The following MYH10 variants were observed in gnomAD, a reference collection of about 807,000 sequenced individuals.
MYH10 encodes the protein myosin-10.
A neutral mutation model predicts 257.8 loss-of-function variants in MYH10; 55 were observed. The ratio of observed to expected loss-of-function variants is 0.21; its 90% CI spans 0.17 to 0.27. The LOEUF (loss-of-function observed/expected upper bound fraction) is 0.27, where lower values mean the gene tolerates loss of function less well. Among genes scored for constraint, MYH10 ranks in the 10% least tolerant of loss-of-function variants. The pLI is 1.00. For synonymous variants in MYH10, 854 were observed against 921.7 expected (o/e 0.93, Z 1.33); for missense variants, 1,631 against 2,500.6 (o/e 0.65, Z 7.42).
At position 8,478,580 on chromosome 17, in the gene MYH10, C is replaced by G; in HGVS notation, c.5598-134G>C. On this transcript the variant is annotated intron_variant, in intron 40 of 42. Coordinates refer to ENST00000360416, the MANE Select transcript of MYH10 (RefSeq NM_001256012.3). ...ATTATGGACCTCTCTGTCCAGAATT[C>G]ATGACTAATGTGCTGAAACCTTTCC... 7 of 754,180 alleles carry G rather than the reference C, an allele frequency of 9.3e-6. No individual in the cohort carries two copies. In the South Asian group the frequency reaches 1.2e-4, roughly 13 times the overall value. The allele number at this position is 754,180 out of a possible 1,614,324, so 46.7% of individuals were successfully genotyped here.
At chr17:8,529,094 AC>A (rs2081943423) in intron 17 of MYH10, among the ~76,000 whole-genome samples, 1 of 152,228 alleles carries the variant, frequency 6.6e-6, no homozygotes, top group Admixed American at 6.5e-5. Flanking sequence ...TGCTGCTGGT[AC>A]AGCAAAATGC....
At chr17:8,576,603 C>T in intron 6 of MYH10, 40 bp downstream of exon 6, 1 of 1,538,782 alleles carries the variant, frequency 6.5e-7, no homozygotes, top group Non-Finnish European at 8.8e-7. Context: ...GAAATTAGTG[C>T]AAACACTCAA....
chr17:8,577,108 C>T (rs1382658740), intron 5 of MYH10, 128 bp downstream of exon 5: 7 of 619,868 alleles, frequency 1.1e-5, no homozygotes, highest in Admixed American at 5.8e-5. Flanking sequence ...GGGTAGGTGG[C>T]GGGGAGCAGG....
intron 31 of MYH10, among the ~76,000 whole-genome samples, chr17:8,494,150 C>G (rs553588164): frequency 6.6e-6 from 1 of 152,160 alleles, no homozygotes; most frequent in Non-Finnish European, 1.5e-5. Context: ...CAGGCATCCC[C>G]GAGGCCTCCC....
Position 8,476,859 on chromosome 17 carries a change from G to T in MYH10, c.5879+17C>A, listed in dbSNP as rs1912733400. On this transcript the variant is annotated intron_variant, in intron 42 of 42. Transcript: ENST00000360416. ...CAAAGCAGCTGCCTGTCAGCTCGGGGCCGCATGCCTGCTCACCTCAGCCGG... is the reference window on the plus strand; with the variant it reads ...CAAAGCAGCTGCCTGTCAGCTCGGGTCCGCATGCCTGCTCACCTCAGCCGG... 3 of 1,596,366 alleles carry T rather than the reference G, an allele frequency of 1.9e-6. No homozygotes were observed. The highest frequency in any genetic ancestry group is 2.6e-6 in the Non-Finnish European group (3 of 1,173,000).
chr17:8,534,930 A>G (rs1375084792), intron 16 of MYH10, among the ~76,000 whole-genome samples: 1 of 152,258 alleles, frequency 6.6e-6, no homozygotes, highest in Non-Finnish European at 1.5e-5. Flanking sequence ...AAGAAGAGCA[A>G]TTGATCTGTA....
In MYH10 at chr17:8,511,777, A is replaced by G. The variant is rs555070435; in HGVS notation, c.2952+674T>C. On this transcript the variant is annotated intron_variant, in intron 24 of 42. Transcript: ENST00000360416. Reference sequence around the variant, plus strand: ...ATCACCTTGACCTTAACAAGCATCAACTCATGGTCAATTCCATTTCATGTG... The same window carrying G: ...ATCACCTTGACCTTAACAAGCATCAGCTCATGGTCAATTCCATTTCATGTG... 9.2e-5 allele frequency among the ~76,000 whole-genome samples: 14 copies of G among 152,214 alleles called. No individual in the cohort carries two copies. In the South Asian group the frequency reaches 1.2e-3, roughly 14 times the overall value.
intron 4 of MYH10, among the ~76,000 whole-genome samples, chr17:8,587,149 CACCA>C (rs1567944179): frequency 6.6e-6 from 1 of 152,166 alleles, no homozygotes; most frequent in African/African-American, 2.4e-5. Context: ...AAGGCACCCC[CACCA>C]ACAGTCAGCC....
Position 8,545,813 on chromosome 17 carries a change from G to A in MYH10, c.1279-213C>T, listed in dbSNP as rs964854967. On this transcript the variant is annotated intron_variant, in intron 12 of 42. Coordinates refer to ENST00000360416, the MANE Select transcript of MYH10 (RefSeq NM_001256012.3). This position sits in a 1 kb window ranked among gnomAD's most constrained non-coding sequence, Gnocchi z 4.7. ...ACGAATTTGGGGGATGGGTAAAGAC[G>A]CCTAATAAAAATAAGCTCCTCCCCA... Among the ~76,000 whole-genome samples the A allele has an allele frequency of 1.3e-5, 2 of 152,096 alleles. No individual in the cohort carries two copies. Among genetic ancestry groups the A allele is most frequent in the Admixed American group, 1.3e-4 (2 of 15,278 alleles).
At chr17:8,561,526 C>T (rs957813058) in intron 7 of MYH10, 19 of 1,427,706 alleles carry the variant, frequency 1.3e-5, no homozygotes, top group African/African-American at 9.7e-5. Context: ...ACCCCCACCC[C>T]GATTTAGACC....
Position 8,535,701 on chromosome 17 carries a change from T to C in MYH10, c.1779+57A>G, listed in dbSNP as rs2082122618. 1.3e-6 allele frequency: 2 copies of C among 1,537,262 alleles called. No homozygotes were observed. Among genetic ancestry groups the C allele is most frequent in the Non-Finnish European group, 1.8e-6 (2 of 1,123,726 alleles). On this transcript the variant is annotated intron_variant, in intron 15 of 42. Coordinates refer to ENST00000360416, the MANE Select transcript of MYH10 (RefSeq NM_001256012.3). This position sits in a 1 kb window ranked among gnomAD's most constrained non-coding sequence, Gnocchi z 4.3. Reference sequence around the variant, plus strand: ...CCTTTGTTACACCTTCATAAAAATGTAGCAAAATTTCAAACACAGCCATTT... The same window carrying C: ...CCTTTGTTACACCTTCATAAAAATGCAGCAAAATTTCAAACACAGCCATTT...
At chr17:8,492,750 G>A in intron 33 of MYH10, 26 bp downstream of exon 33, 1 of 1,609,110 alleles carries the variant, frequency 6.2e-7, no homozygotes, top group Non-Finnish European at 8.5e-7. Context: ...GCTCTGCCAG[G>A]AGGAAACGAC....
At position 8,535,404 on chromosome 17, in the gene MYH10, G is replaced by A. The variant is rs2082115122; in HGVS notation, c.1877C>T (p.Ala626Val). 1 of 1,613,430 alleles carries A rather than the reference G, an allele frequency of 6.2e-7. No homozygotes were observed. Among genetic ancestry groups the A allele is most frequent in the Admixed American group, 1.7e-5 (1 of 59,906 alleles). Residue 626 changes from alanine (A) to valine (V), a missense_variant, in exon 16 of 43, where the codon GCA (alanine) becomes GTA (valine). Ala to Val is a moderately conservative substitution (Grantham distance 64). Transcript: ENST00000360416. The surrounding 1 kb of genome is among the most constrained non-coding windows in gnomAD (Gnocchi z 4.3). The part of the protein sequence containing the change: ...LLHQSSDRFV[A>V]ELWKDEIQNI... ...TTTCTTACCATCTTTCCAAAGCTCT[G>A]CCACAAATCTGTCTGATGACTGGTG...
intron 3 of MYH10, among the ~76,000 whole-genome samples, chr17:8,596,937 G>A (rs1008979079): frequency 2.0e-5 from 3 of 152,228 alleles, no homozygotes; most frequent in Non-Finnish European, 2.9e-5. Flanking sequence ...TCTAGATTAC[G>A]TAAGGGCAAA....
chr17:8,591,087 T>G (rs1032869690), intron 3 of MYH10, among the ~76,000 whole-genome samples: 2 of 152,044 alleles, frequency 1.3e-5, no homozygotes, highest in African/African-American at 4.8e-5. Context: ...TTAGCCAGGA[T>G]GGTCTCGATC....
chr17:8,570,991 C>T (rs1202878985), intron 6 of MYH10, among the ~76,000 whole-genome samples: 1 of 152,144 alleles, frequency 6.6e-6, no homozygotes, highest in Non-Finnish European at 1.5e-5. Flanking sequence ...GTCTTAACTA[C>T]AATCTACAAC....
At chr17:8,601,056 G>A (rs2084571848) in intron 3 of MYH10, among the ~76,000 whole-genome samples, 1 of 152,162 alleles carries the variant, frequency 6.6e-6, no homozygotes, top group African/African-American at 2.4e-5. Flanking sequence ...TGAAGATGGT[G>A]GACTCTCATG....
chr17:8,574,226 T>G (rs937674212), intron 6 of MYH10, among the ~76,000 whole-genome samples: 5 of 152,232 alleles, frequency 3.3e-5, no homozygotes, highest in African/African-American at 1.2e-4. Context: ...TACTTATATG[T>G]GCTAGAATCT....
At position 8,535,014 on chromosome 17, in the gene MYH10, CAGCAGGCCTGACACAGGGAAAATGGAATG is replaced by C. The variant is rs2082102566; in HGVS notation, c.1894+344_1894+372del. Reference sequence around the variant, plus strand: ...GCGGGTGGTGAGGAAGGACGGAGCTCAGCAGGCCTGACACAGGGAAAATGGAATGAGCAGGCCTTCTCGGGTTTTGTGTT... The same window carrying C: ...GCGGGTGGTGAGGAAGGACGGAGCTCAGCAGGCCTTCTCGGGTTTTGTGTT... On this transcript the variant is annotated intron_variant, in intron 16 of 42. Transcript: ENST00000360416. This position sits in a 1 kb window ranked among gnomAD's most constrained non-coding sequence, Gnocchi z 4.3. Among the ~76,000 whole-genome samples, 1 of 152,160 alleles carries C rather than the reference CAGCAGGCCTGACACAGGGAAAATGGAATG, an allele frequency of 6.6e-6. No homozygotes were observed. Among genetic ancestry groups the C allele is most frequent in the African/African-American group, 2.4e-5 (1 of 41,446 alleles).
Sources: allele counts gnomAD v4.1 joint callset (sites outside exome capture counted in the v4.1 genomes callset), GRCh38; gene constraint gnomAD v4.1.1; non-coding constraint Gnocchi (gnomAD v3.1); transcripts MANE v1.5; gene names NCBI Gene and HGNC (gene_info 2026-07-23, HGNC 2026-07-21).